The following MAX variants were observed in gnomAD, a reference collection of about 807,000 sequenced individuals.
The protein encoded by MAX is protein max.
A neutral mutation model predicts 22.3 loss-of-function variants in MAX; 3 were observed. The observed-to-expected ratio is 0.13, with a 90% CI of 0.06 to 0.35. MAX has a LOEUF of 0.35. Ranked by LOEUF, MAX falls within the 10% of genes least tolerant of loss-of-function variation. The pLI is 1.00. For synonymous variants in MAX, 72 were observed against 77.7 expected (o/e 0.93, Z 0.39); for missense variants, 119 against 209.4 (o/e 0.57, Z 2.66).
chr14:65,053,625 T>TAAAAAAAAACAAA (rs201558638), intron 3 of MAX, among the ~76,000 whole-genome samples: 1 of 146,246 alleles, frequency 6.8e-6, no homozygotes, highest in African/African-American at 2.7e-5. Context: ...CTTCTTTTTT[T>TAAAAAAAAACAAA]TAAAAAAAAC....
Position 65,101,536 on chromosome 14 carries a change from G to C in MAX, c.63+10C>G, listed in dbSNP as rs764233219. 6.2e-7 allele frequency: 1 copy of C among 1,608,554 alleles called. No individual in the cohort carries two copies. The highest frequency in any genetic ancestry group is 2.2e-5 in the East Asian group (1 of 44,854). On this transcript the variant is annotated intron_variant, in intron 2 of 4. Transcript: ENST00000358664. ...GGAAATAAAAATGAAATGGAGAGTA[G>C]GAGACGTACCGCAGATTGAAACCTC...
At chr14:65,020,615 G>A (rs980956894) in intron 3 of MAX, among the ~76,000 whole-genome samples, 29 of 151,916 alleles carry the variant, frequency 1.9e-4, no homozygotes, top group African/African-American at 6.3e-4. Context: ...TGTATTTTTA[G>A]TAGAGATTGG....
intron 3 of MAX, among the ~76,000 whole-genome samples, chr14:65,040,259 G>GTATATATATGTGTGTGTA (rs2062315522): frequency 2.8e-5 from 4 of 144,982 alleles, no homozygotes; most frequent in Non-Finnish European, 6.0e-5. Context: ...ATATATATAT[G>GTATATATATGTGTGTGTA]TATATATATG....
chr14:65,048,097 T>C (rs1484524056), intron 3 of MAX, among the ~76,000 whole-genome samples: 1 of 146,296 alleles, frequency 6.8e-6, no homozygotes, highest in African/African-American at 2.5e-5. Context: ...TTTTCTTGCC[T>C]CAGCCTCCTG....
At chr14:65,064,515 C>T (rs990648718) in intron 3 of MAX, among the ~76,000 whole-genome samples, 2 of 152,184 alleles carry the variant, frequency 1.3e-5, no homozygotes, top group African/African-American at 2.4e-5. Flanking sequence ...TAGCTCCAGA[C>T]CCTACATCCT....
chr14:65,093,957 T>G lies in MAX; in HGVS notation c.64-142A>C. The G allele has an allele frequency of 1.4e-6, 1 of 706,336 alleles. No individual in the cohort carries two copies. The highest frequency in any genetic ancestry group is 2.0e-5 in the Admixed American group (1 of 50,056). 43.8% of individuals were successfully genotyped at this position (706,336 alleles called of 1,614,324 possible). A position where few individuals can be genotyped will look rare whatever the true frequency, so the allele number is the denominator to read the frequency against. ...GGAAGGATTTCTCGAGGTGGGCAGT[T>G]AGGAGTCTCCAGAATTAGGCTCTGC... On this transcript the variant is annotated intron_variant, in intron 2 of 4. Transcript: ENST00000358664. This position sits in a 1 kb window ranked among gnomAD's most constrained non-coding sequence, Gnocchi z 4.4.
At chr14:65,070,904 CAA>C (rs1405371564), downstream of MAX, among the ~76,000 whole-genome samples, 2 of 152,334 alleles carry the variant, frequency 1.3e-5, no homozygotes, top group East Asian at 3.9e-4. The surrounding 1 kb of genome is among the most constrained non-coding windows in gnomAD (Gnocchi z 4.4). Context: ...AAGAACAGGG[CAA>C]AGTCGCCAGT....
intron 3 of MAX, chr14:65,053,107 G>A: frequency 1.7e-6 from 1 of 603,098 alleles, no homozygotes; most frequent in Non-Finnish European, 2.5e-6. Context: ...GATAGCAGTT[G>A]TACCAAGAAT....
chr14:65,044,234 T>A lies in MAX; in HGVS notation c.172-37950A>T. The A allele has an allele frequency of 1.2e-6, 2 of 1,601,402 alleles. No individual in the cohort carries two copies. Among genetic ancestry groups the A allele is most frequent in the Non-Finnish European group, 1.7e-6 (2 of 1,175,724 alleles). On this transcript the variant is annotated intron_variant, in intron 3 of 3. Coordinates refer to the MAX transcript ENST00000341653. The surrounding 1 kb of genome is among the most constrained non-coding windows in gnomAD (Gnocchi z 5.5). ...ATGGGAAACCCTCCATCCCACAGAT[T>A]GACTCCTGGAGATTCTGTCGGGCTG...
rs1212662830 is a variant in MAX, at chr14:65,054,939, G to A, written c.171+38769C>T. Among the ~76,000 whole-genome samples, 1 of 152,190 alleles carries A rather than the reference G, an allele frequency of 6.6e-6. No homozygotes were observed. The highest frequency in any genetic ancestry group is 1.5e-5 in the Non-Finnish European group (1 of 68,034). On this transcript the variant is annotated intron_variant, in intron 3 of 3. Transcript: ENST00000341653. The surrounding 1 kb of genome is among the most constrained non-coding windows in gnomAD (Gnocchi z 4.4). ...GCTGTTGTGCCTTTATCCCAGGGCT[G>A]AGGACCTAGCCCACTGCTGGTATTA...
chr14:65,061,216 C>T (rs1389508797), intron 3 of MAX: 1 of 1,614,160 alleles, frequency 6.2e-7, no homozygotes, highest in Admixed American at 1.7e-5. Context: ...TTGGACCAGA[C>T]AAGGTGATCC....
intron 3 of MAX, among the ~76,000 whole-genome samples, chr14:65,050,471 A>T (rs2139665113): frequency 6.6e-6 from 1 of 152,208 alleles, no homozygotes; most frequent in African/African-American, 2.4e-5. Context: ...TGTACCTGTA[A>T]TCCAAGGTAC....
intron 3 of MAX, among the ~76,000 whole-genome samples, chr14:65,008,993 G>GCA (rs1324867725): frequency 3.9e-5 from 6 of 152,110 alleles, no homozygotes; most frequent in African/African-American, 1.4e-4. Context: ...ATCCCACCCT[G>GCA]CACCCCCTCA....
In MAX at chr14:65,028,842, C is replaced by T. The variant is rs1047872127; in HGVS notation, c.172-22558G>A. On this transcript the variant is annotated intron_variant, in intron 3 of 3. Coordinates refer to the MAX transcript ENST00000341653. The surrounding 1 kb of genome is among the most constrained non-coding windows in gnomAD (Gnocchi z 4.4). The stretch of plus-strand genomic sequence containing the variant: ...TTTTCCCTCGTGTTCACTACATTTT[C>T]GTTCCTGTTCTGTTGCTATTCCCCC... 1.3e-5 allele frequency among the ~76,000 whole-genome samples: 2 copies of T among 152,144 alleles called. No individual in the cohort carries two copies. The highest frequency in any genetic ancestry group is 1.5e-5 in the Non-Finnish European group (1 of 68,028).
In MAX at chr14:65,076,876, A is replaced by C; in HGVS notation, c.296-213T>G. The C allele has an allele frequency of 3.1e-6, 2 of 644,882 alleles. No homozygotes were observed. The highest frequency in any genetic ancestry group is 2.8e-5 in the East Asian group (1 of 36,126). 39.9% of individuals were successfully genotyped at this position (644,882 alleles called of 1,614,324 possible). A position where few individuals can be genotyped will look rare whatever the true frequency, so the allele number is the denominator to read the frequency against. On this transcript the variant is annotated intron_variant, in intron 4 of 4. Transcript: ENST00000358664. This position sits in a 1 kb window ranked among gnomAD's most constrained non-coding sequence, Gnocchi z 6.6. ...CAGCTGGACCTGGGAGCCAGCAGAC[A>C]CTCTGCAATCCCACCCAACTCTGAA...
chr14:65,018,971 G>C (rs369429698), intron 3 of MAX, among the ~76,000 whole-genome samples: 1 of 151,886 alleles, frequency 6.6e-6, no homozygotes, highest in East Asian at 1.9e-4. Flanking sequence ...TTAGCCAAGC[G>C]TGGTGGCGCA....
In MAX at chr14:65,062,835, T is replaced by C. The variant is rs1411131728; in HGVS notation, c.171+30873A>G. On this transcript the variant is annotated intron_variant, in intron 3 of 3. Coordinates refer to the MAX transcript ENST00000341653. The surrounding 1 kb of genome is among the most constrained non-coding windows in gnomAD (Gnocchi z 4.3). ...CCTCCAGTAGAGGAAGCCGTGGGCC[T>C]AACAGAGAGTGGGAAGAGATGTTTT... Among the ~76,000 whole-genome samples the C allele has an allele frequency of 1.3e-5, 2 of 152,154 alleles. No homozygotes were observed. The highest frequency in any genetic ancestry group is 4.8e-5 in the African/African-American group (2 of 41,438).
rs1468599469 is a variant in MAX at position 65,077,341 on chromosome 14, T to C, written c.295+572A>G. The C allele has an allele frequency of 2.5e-6, 4 of 1,606,694 alleles. No individual in the cohort carries two copies. Among genetic ancestry groups the C allele is most frequent in the Non-Finnish European group, 3.4e-6 (4 of 1,173,332 alleles). On this transcript the variant is annotated intron_variant, in intron 4 of 4. Transcript: ENST00000358664. The surrounding 1 kb of genome is among the most constrained non-coding windows in gnomAD (Gnocchi z 6.3). ...AGGTTTTCTAACCCAGGTGGTTACT[T>C]GCATTTCCTTTTACTTGCATCTTCC...
intron 3 of MAX, chr14:65,006,377 C>A: frequency 6.5e-7 from 1 of 1,542,478 alleles, no homozygotes; most frequent in Non-Finnish European, 8.8e-7. Flanking sequence ...AATGCTCTGA[C>A]CTCAATAAAA....
Sources: allele counts gnomAD v4.1 joint callset (sites outside exome capture counted in the v4.1 genomes callset), GRCh38; gene constraint gnomAD v4.1.1; non-coding constraint Gnocchi (gnomAD v3.1); transcripts MANE v1.5; gene names NCBI Gene and HGNC (gene_info 2026-07-23, HGNC 2026-07-21).